KICS2: variants seen among roughly 807,000 people sequenced by gnomAD.
The protein encoded by KICS2 is KICSTOR subunit 2, also known as KICSTOR complex protein C12orf66.
In KICS2, 13 loss-of-function variants were observed where a neutral mutation model predicts 31.4. That is an observed-to-expected ratio of 0.41 (90% CI 0.27 to 0.66). KICS2 has a LOEUF of 0.66. Ranked by LOEUF, KICS2 falls within the 30% of genes least tolerant of loss-of-function variation. The pLI is 0.28. For synonymous variants in KICS2, 209 were observed against 214.8 expected (o/e 0.97, Z 0.24); for missense variants, 455 against 545.4 (o/e 0.83, Z 1.65).
In KICS2 at chr12:64,208,007, T is replaced by A. The variant is rs114073235; in HGVS notation, c.521+7671A>T. 6.3e-3 allele frequency among the ~76,000 whole-genome samples: 966 copies of A among 152,326 alleles called. 15 individuals carry two copies. The highest frequency in any genetic ancestry group is 0.022 in the African/African-American group (894 of 41,576). On this transcript the variant is annotated intron_variant, in intron 2 of 2. Transcript: ENST00000398055. ...TCAATGATTGGACTTCTGCTTAAAA[T>A]CCTCAATGATTTCTCTTTGATTCTC...
At chr12:64,219,091 A>G (rs73132142) in intron 1 of KICS2, among the ~76,000 whole-genome samples, 3,107 of 152,304 alleles carry the variant, frequency 0.02, 40 homozygotes, top group Middle Eastern at 0.031. Context: ...ATAAATGCTC[A>G]TAATTTCTCA....
chr12:64,186,502 C>T (rs1326852137), downstream of KICS2: 1 of 152,168 alleles, frequency 6.6e-6, no homozygotes, highest in Non-Finnish European at 1.5e-5. Flanking sequence ...GCTATCAAAA[C>T]TCTATTGTAC....
chr12:64,208,964 G>T (rs990885457), intron 2 of KICS2, among the ~76,000 whole-genome samples: 2 of 151,868 alleles, frequency 1.3e-5, no homozygotes, highest in African/African-American at 4.8e-5. Flanking sequence ...CCATGAAACA[G>T]AAAAATCAGC....
rs183382901 is a variant in KICS2 at position 64,211,139 on chromosome 12, A to G, written c.521+4539T>C. ...CTACATGAGATCTCTTCCCCTTAGG[A>G]ATCATATCCTTAACTGTACTTCAGT... is the stretch of plus-strand genomic sequence containing the variant. On this transcript the variant is annotated intron_variant, in intron 2 of 2. Transcript: ENST00000398055. Among the ~76,000 whole-genome samples, 3 of 152,324 alleles carry G rather than the reference A, an allele frequency of 2.0e-5. No individual in the cohort carries two copies. The East Asian group carries it at 5.8e-4, about 29-fold the overall frequency.
intron 1 of KICS2, among the ~76,000 whole-genome samples, chr12:64,217,580 C>G (rs1266038364): frequency 6.6e-6 from 1 of 152,062 alleles, no homozygotes; most frequent in Non-Finnish European, 1.5e-5. Context: ...GGGAGGATCA[C>G]CCGAGGTCAG....
chr12:64,220,416 CAATA>C (rs1322177556), intron 1 of KICS2, among the ~76,000 whole-genome samples: 3 of 151,872 alleles, frequency 2.0e-5, no homozygotes, highest in Non-Finnish European at 2.9e-5. Flanking sequence ...TAAATGGAGT[CAATA>C]AATAGACTTT....
chr12:64,195,820 G>A (rs1253656739), intron 2 of KICS2, among the ~76,000 whole-genome samples: 2 of 152,224 alleles, frequency 1.3e-5, no homozygotes, highest in Non-Finnish European at 2.9e-5. Flanking sequence ...TTCCCTTTCC[G>A]AGTCAAAGAA....
At chr12:64,201,844 TCAAACAAA>T (rs55811122) in intron 2 of KICS2, among the ~76,000 whole-genome samples, 1 of 150,632 alleles carries the variant, frequency 6.6e-6, no homozygotes, top group East Asian at 2.0e-4. Flanking sequence ...CAAGACTGTC[TCAAACAAA>T]CAAACAAACA....
intron 2 of KICS2, among the ~76,000 whole-genome samples, chr12:64,213,566 C>T (rs543061253): frequency 6.6e-6 from 1 of 152,208 alleles, no homozygotes; most frequent in African/African-American, 2.4e-5. Context: ...TAAATATTTC[C>T]ACCTCCCCCC....
chr12:64,196,089 G>C (rs1236807074), intron 2 of KICS2, among the ~76,000 whole-genome samples: 2 of 152,246 alleles, frequency 1.3e-5, no homozygotes, highest in Non-Finnish European at 2.9e-5. Context: ...CAACTGGGTG[G>C]AGCCCACCAC....
At chr12:64,204,660 G>C (rs907217834) in intron 2 of KICS2, 4 of 152,100 alleles carry the variant, frequency 2.6e-5, no homozygotes, top group Non-Finnish European at 5.9e-5. Flanking sequence ...GCCAGGCCTC[G>C]TGGAGTGCGC....
chr12:64,208,203 T>A lies in KICS2; in HGVS notation c.521+7475A>T, dbSNP rs566786252. 1.4e-4 allele frequency among the ~76,000 whole-genome samples: 21 copies of A among 152,320 alleles called. No homozygotes were observed. In the South Asian group the frequency reaches 4.4e-3, roughly 32 times the overall value. On this transcript the variant is annotated intron_variant, in intron 2 of 2. Coordinates refer to ENST00000398055, the MANE Select transcript of KICS2 (RefSeq NM_152440.5). ...TTTGTATTTTTAGTAGAGATGGAGT[T>A]TCGCCATGTTGGCCAGGCTGGTCTC...
chr12:64,201,118 T>G (rs11175281), intron 2 of KICS2, among the ~76,000 whole-genome samples: 39 of 145,116 alleles, frequency 2.7e-4, no homozygotes, highest in East Asian at 2.3e-3. Flanking sequence ...TATACCCAAA[T>G]GACTATAAAT....
chr12:64,221,950 A>C, intron 1 of KICS2, 53 bp downstream of exon 1: 2 of 1,528,276 alleles, frequency 1.3e-6, no homozygotes, highest in Non-Finnish European at 1.8e-6. Context: ...CGACTGGGGA[A>C]TATACCCCCT....
At chr12:64,219,830 A>T (rs750031960) in intron 1 of KICS2, among the ~76,000 whole-genome samples, 4 of 152,346 alleles carry the variant, frequency 2.6e-5, no homozygotes, top group African/African-American at 9.6e-5. Context: ...AATTTTTTAA[A>T]CGCACGCATA....
At chr12:64,187,419 C>G, downstream of KICS2, 1 of 562,686 alleles carries the variant, frequency 1.8e-6, no homozygotes, top group Non-Finnish European at 3.1e-6. Flanking sequence ...TTACACATAC[C>G]CTACGGTTTT....
downstream of KICS2, chr12:64,187,060 T>C (rs1271895302): frequency 6.6e-6 from 1 of 152,666 alleles, no homozygotes; most frequent in Non-Finnish European, 1.5e-5. Flanking sequence ...GTCATAAATC[T>C]CAGACTGAAT....
chr12:64,202,761 T>C (rs1303802732), intron 2 of KICS2, among the ~76,000 whole-genome samples: 1 of 151,952 alleles, frequency 6.6e-6, no homozygotes, highest in African/African-American at 2.4e-5. Flanking sequence ...GATTAGTACC[T>C]GCTGTTTGTA....
chr12:64,215,515 A>C (rs1407473237), intron 2 of KICS2, among the ~76,000 whole-genome samples, 163 bp downstream of exon 2: 2 of 152,178 alleles, frequency 1.3e-5, no homozygotes, highest in Non-Finnish European at 2.9e-5. Context: ...GAAGGTGCCT[A>C]ATGTATACCT....
Sources: gnomAD v4.1 joint callset for allele counts (sites outside exome capture counted in the v4.1 genomes callset) on GRCh38, gnomAD v4.1.1 for gene constraint, MANE v1.5 for transcripts, NCBI Gene and HGNC (gene_info 2026-07-23, HGNC 2026-07-21) for gene names.